The following ESCO1 variants were observed in gnomAD, a reference collection of about 807,000 sequenced individuals.
ESCO1 encodes the protein N-acetyltransferase ESCO1.
In ESCO1, 33 loss-of-function variants were observed where a neutral mutation model predicts 83.5. The ratio of observed to expected loss-of-function variants is 0.40; its 90% CI spans 0.30 to 0.53. The LOEUF is 0.53. Among genes scored for constraint, ESCO1 ranks in the 20% least tolerant of loss-of-function variants. The pLI, the probability that ESCO1 is intolerant of heterozygous loss-of-function variation, is 0.63. For missense variants in ESCO1, 855 were observed against 968.0 expected, an observed-to-expected ratio of 0.88 and a Z score of 1.55; for synonymous variants, 332 against 324.3, an observed-to-expected ratio of 1.02 and a Z score of -0.25.
Position 21,573,823 on chromosome 18 carries a change from A to G in ESCO1, c.1021T>C (p.Leu341=), listed in dbSNP as rs1429599707. Residue 341 remains leucine, a synonymous_variant, in exon 4 of 12, where the codon TTG becomes CTG. Coordinates refer to ENST00000269214, the MANE Select transcript of ESCO1 (RefSeq NM_052911.3). ...TGTCTTTCAACACTGGTCTCTTCCA[A>G]TTTTATTTCTGTGGGCTTTTCTTCC... The part of the protein sequence containing the change: ...VKEEKPTEIK[L]EETSVERQIL... 4.3e-6 allele frequency: 7 copies of G among 1,613,832 alleles called. No homozygotes were observed. The highest frequency in any genetic ancestry group is 4.0e-5 in the African/African-American group (3 of 74,854).
chr18:21,595,167 T>TA (rs1242724270), intron 1 of ESCO1, among the ~76,000 whole-genome samples: 1 of 151,898 alleles, frequency 6.6e-6, no homozygotes, highest in Admixed American at 6.6e-5. Context: ...GTATATATTT[T>TA]AAACATATAT....
intron 2 of ESCO1, among the ~76,000 whole-genome samples, chr18:21,582,990 G>A (rs1302258906): frequency 2.6e-5 from 4 of 151,998 alleles, no homozygotes; most frequent in Non-Finnish European, 4.4e-5. Context: ...TCAGGAGTTC[G>A]AGACCAGGCT....
At chr18:21,555,733 T>A (rs568910673) in intron 8 of ESCO1, among the ~76,000 whole-genome samples, 1 of 151,812 alleles carries the variant, frequency 6.6e-6, no homozygotes, top group Non-Finnish European at 1.5e-5. Flanking sequence ...GCCCAGGAGG[T>A]TGAGACTGCA....
chr18:21,553,049 G>A (rs550603593), intron 8 of ESCO1, among the ~76,000 whole-genome samples: 6 of 152,316 alleles, frequency 3.9e-5, no homozygotes, highest in African/African-American at 1.2e-4. Flanking sequence ...CAACACATTG[G>A]GAGGCAGAGG....
intron 1 of ESCO1, among the ~76,000 whole-genome samples, chr18:21,594,216 C>A (rs2038727580): frequency 6.6e-6 from 1 of 152,224 alleles, no homozygotes; most frequent in South Asian, 2.1e-4. Context: ...TTACAGGATA[C>A]CTGCTGCTTG....
intron 2 of ESCO1, 133 bp from the exon 3 acceptor site, chr18:21,575,910 C>T (rs1408647933): frequency 2.6e-6 from 1 of 391,572 alleles, no homozygotes; most frequent in East Asian, 3.6e-5. Flanking sequence ...CCTCAAAGCT[C>T]ATATTACACG....
At chr18:21,556,526 G>A (rs1414101544) in intron 8 of ESCO1, among the ~76,000 whole-genome samples, 4 of 152,164 alleles carry the variant, frequency 2.6e-5, no homozygotes, top group Admixed American at 6.5e-5. Flanking sequence ...CCAAGAGAAC[G>A]TTCTGTGTGA....
At chr18:21,599,974 T>C (rs941348359) in intron 1 of ESCO1, among the ~76,000 whole-genome samples, 1 of 152,212 alleles carries the variant, frequency 6.6e-6, no homozygotes, top group Non-Finnish European at 1.5e-5. Context: ...TGCACTCATT[T>C]CTACTCCAGA....
At position 21,572,755 on chromosome 18, in the gene ESCO1, G is replaced by A. The variant is rs547448350; in HGVS notation, c.1530+559C>T. Among the ~76,000 whole-genome samples, 8 of 152,094 alleles carry A rather than the reference G, an allele frequency of 5.3e-5. No homozygotes were observed. In the East Asian group the frequency reaches 1.2e-3, roughly 22 times the overall value. ...CGAGGTGGATGGATTACCTGAGGTC[G>A]GGAGTTCGAGACCAGCCTGATCAAC... On this transcript the variant is annotated intron_variant, in intron 4 of 11. Transcript: ENST00000269214.
chr18:21,572,137 G>C (rs965210131), intron 4 of ESCO1, among the ~76,000 whole-genome samples: 1 of 152,182 alleles, frequency 6.6e-6, no homozygotes, highest in Admixed American at 6.5e-5. Context: ...TTCAGAGTAT[G>C]TTGTTTTAGA....
At chr18:21,564,795 T>C (rs762028961) in intron 6 of ESCO1, among the ~76,000 whole-genome samples, 2 of 152,008 alleles carry the variant, frequency 1.3e-5, no homozygotes, top group African/African-American at 2.4e-5. Context: ...TGGTGGCTCA[T>C]GCCTATAAAA....
At chr18:21,599,278 G>A (rs1375102899) in intron 1 of ESCO1, among the ~76,000 whole-genome samples, 1 of 152,204 alleles carries the variant, frequency 6.6e-6, no homozygotes, top group Non-Finnish European at 1.5e-5. Flanking sequence ...GGGAGGTCAA[G>A]GCTGCAGTGA....
intron 8 of ESCO1, among the ~76,000 whole-genome samples, chr18:21,547,189 T>C (rs146629735): frequency 6.6e-6 from 1 of 152,300 alleles, no homozygotes; most frequent in African/African-American, 2.4e-5. Context: ...TTCCACACTA[T>C]TTAAATGTTT....
At chr18:21,589,810 C>T (rs2038637226) in intron 1 of ESCO1, among the ~76,000 whole-genome samples, 1 of 151,330 alleles carries the variant, frequency 6.6e-6, no homozygotes, top group Admixed American at 6.6e-5. Context: ...GATCCATTCC[C>T]ACCAGTCAAA....
At chr18:21,560,801 T>G in intron 8 of ESCO1, 58 bp downstream of exon 8, 1 of 1,578,554 alleles carries the variant, frequency 6.3e-7, no homozygotes, top group Non-Finnish European at 8.5e-7. Context: ...CTCATCTCAT[T>G]AAGAGACCGA....
At chr18:21,582,116 GA>G (rs778428194) in intron 2 of ESCO1, among the ~76,000 whole-genome samples, 7 of 151,954 alleles carry the variant, frequency 4.6e-5, no homozygotes, top group Non-Finnish European at 5.9e-5. Flanking sequence ...ATTGGTGTTA[GA>G]AAAACTGGGT....
At chr18:21,570,620 A>AAAT (rs1194232065) in intron 4 of ESCO1, among the ~76,000 whole-genome samples, 2 of 152,222 alleles carry the variant, frequency 1.3e-5, no homozygotes, top group African/African-American at 2.4e-5. Context: ...ATAAAAACTG[A>AAAT]AAAGATCCAC....
chr18:21,573,252 T>C, intron 4 of ESCO1, 62 bp downstream of exon 4: 1 of 1,425,094 alleles, frequency 7.0e-7, no homozygotes, highest in Non-Finnish European at 9.4e-7. Context: ...TAAAATGTTA[T>C]AAAGACATTT....
intron 7 of ESCO1, among the ~76,000 whole-genome samples, chr18:21,562,443 T>C (rs2038199877): frequency 6.7e-6 from 1 of 148,268 alleles, no homozygotes; most frequent in Non-Finnish European, 1.5e-5. Flanking sequence ...GCCACTGCAC[T>C]CCAGCCTGGG....
Sources: gnomAD v4.1 joint callset for allele counts (sites outside exome capture counted in the v4.1 genomes callset) on GRCh38, gnomAD v4.1.1 for gene constraint, MANE v1.5 for transcripts, NCBI Gene and HGNC (gene_info 2026-07-23, HGNC 2026-07-21) for gene names.